Variants in HDAC9 observed in about 807,000 individuals in gnomAD.
HDAC9 encodes histone deacetylase 9, also known as MEF-2 interacting transcription repressor (MITR) protein.
A neutral mutation model predicts 139.4 loss-of-function variants in HDAC9; 41 were observed. That is an observed-to-expected ratio of 0.29 (90% CI 0.23 to 0.38). The LOEUF is 0.38. Ranked by LOEUF, HDAC9 falls within the 10% of genes least tolerant of loss-of-function variation. HDAC9 has a pLI of 1.00. For synonymous variants in HDAC9, 517 were observed against 476.2 expected (o/e 1.09, Z -1.12); for missense variants, 1,147 against 1,297.0 (o/e 0.88, Z 1.78).
intron 13 of HDAC9, among the ~76,000 whole-genome samples, chr7:18,743,819 C>T (rs537626454): frequency 2.0e-3 from 311 of 151,976 alleles, no homozygotes; most frequent in African/African-American, 7.2e-3. Context: ...TGAGATTTGA[C>T]GGTCATTAGA....
At chr7:18,937,030 ATTTTTTTTTTT>A (rs768350029) in intron 23 of HDAC9, among the ~76,000 whole-genome samples, 2 of 96,696 alleles carry the variant, frequency 2.1e-5, no homozygotes, top group African/African-American at 3.8e-5. Context: ...GCTCTTGTTA[ATTTTTTTTTTT>A]TTTTTTTTTT....
chr7:18,686,932 G>A (rs960701814), intron 12 of HDAC9, among the ~76,000 whole-genome samples: 1 of 151,652 alleles, frequency 6.6e-6, no homozygotes, highest in Non-Finnish European at 1.5e-5. Flanking sequence ...ACATGGTCCC[G>A]CCTGGCTCCA....
intron 1 of HDAC9, among the ~76,000 whole-genome samples, chr7:18,096,624 G>C (rs550145621): frequency 5.8e-4 from 89 of 152,288 alleles, no homozygotes; most frequent in African/African-American, 2.1e-3. Context: ...TAATGAAATT[G>C]TAAGCTCCTT....
intron 1 of HDAC9, chr7:18,429,169 G>C (rs1049105931): frequency 6.6e-6 from 1 of 152,122 alleles, no homozygotes; most frequent in African/African-American, 2.4e-5. Flanking sequence ...AGTTCACAGA[G>C]GCAGAGAATT....
At chr7:18,768,243 C>T (rs1406881161) in intron 16 of HDAC9, among the ~76,000 whole-genome samples, 4 of 152,140 alleles carry the variant, frequency 2.6e-5, no homozygotes, top group East Asian at 3.9e-4. Context: ...CCTGAAGTCA[C>T]ACAGTAAAGG....
chr7:18,325,408 C>A (rs1053519347), intron 1 of HDAC9: 1 of 152,104 alleles, frequency 6.6e-6, no homozygotes, highest in Non-Finnish European at 1.5e-5. Flanking sequence ...TTTACCATTA[C>A]AAGTTACTAG....
At position 18,748,995 on chromosome 7, in the gene HDAC9, T is replaced by A; in HGVS notation, c.1910-10T>A. 1 of 1,612,808 alleles carries A rather than the reference T, an allele frequency of 6.2e-7. No homozygotes were observed. The highest frequency in any genetic ancestry group is 8.5e-7 in the Non-Finnish European group (1 of 1,179,206). On this transcript the variant is annotated splice_polypyrimidine_tract_variant and intron_variant, in intron 13 of 25. Transcript: ENST00000686413. ...ACTCAATCTTGTCCTGTATTTCCCTTGTCTTAAAGGAATTGCCTATGACCC... is the reference window on the plus strand; with the variant it reads ...ACTCAATCTTGTCCTGTATTTCCCTAGTCTTAAAGGAATTGCCTATGACCC...
At chr7:18,399,384 C>T (rs10267506) in intron 1 of HDAC9, among the ~76,000 whole-genome samples, 5,194 of 152,092 alleles carry the variant, frequency 0.034, 301 homozygotes, top group African/African-American at 0.12. Flanking sequence ...GGTACAGTAA[C>T]GAAAAATTCT....
At chr7:18,443,182 TGAG>T (rs1370511370) in intron 1 of HDAC9, among the ~76,000 whole-genome samples, 1 of 152,200 alleles carries the variant, frequency 6.6e-6, no homozygotes, top group African/African-American at 2.4e-5. Context: ...CTTATTGACT[TGAG>T]TTTTTTTTTC....
intron 17 of HDAC9, among the ~76,000 whole-genome samples, chr7:18,820,496 G>A (rs1030725449): frequency 6.6e-6 from 1 of 152,160 alleles, no homozygotes; most frequent in Non-Finnish European, 1.5e-5. Flanking sequence ...AATATTTTAT[G>A]TGTTTTAAGA....
intron 2 of HDAC9, among the ~76,000 whole-genome samples, chr7:18,555,717 A>G (rs1006110360): frequency 6.6e-6 from 1 of 152,112 alleles, no homozygotes; most frequent in Non-Finnish European, 1.5e-5. Flanking sequence ...TACAATACCC[A>G]TTTACAGATG....
intron 1 of HDAC9, among the ~76,000 whole-genome samples, chr7:18,160,879 A>G (rs1042679350): frequency 2.0e-5 from 3 of 152,222 alleles, no homozygotes; most frequent in Admixed American, 6.5e-5. Context: ...TGGTCTCCCA[A>G]AGGGTGATAT....
At chr7:18,983,087 G>C (rs1477791204) in intron 25 of HDAC9, among the ~76,000 whole-genome samples, 1 of 152,108 alleles carries the variant, frequency 6.6e-6, no homozygotes, top group Non-Finnish European at 1.5e-5. Context: ...TGTAGCCATT[G>C]ACCAGCTCCT....
At chr7:18,807,003 AT>A (rs996507446) in intron 17 of HDAC9, among the ~76,000 whole-genome samples, 14 of 152,112 alleles carry the variant, frequency 9.2e-5, no homozygotes, top group African/African-American at 3.4e-4. Context: ...TTCTTTTTTA[AT>A]TTTTGAAAGG....
chr7:18,431,429 C>A (rs1055803339), intron 1 of HDAC9, among the ~76,000 whole-genome samples: 1 of 152,136 alleles, frequency 6.6e-6, no homozygotes, highest in East Asian at 1.9e-4. Context: ...GCCTGTGTAA[C>A]TTTTCCATTT....
At chr7:18,553,684 G>A (rs1382018115) in intron 2 of HDAC9, among the ~76,000 whole-genome samples, 1 of 152,132 alleles carries the variant, frequency 6.6e-6, no homozygotes, top group African/African-American at 2.4e-5. Context: ...TTTTCTCCCC[G>A]AGGCAAATAA....
chr7:18,157,399 G>A (rs1454812821), intron 1 of HDAC9, among the ~76,000 whole-genome samples: 1 of 152,102 alleles, frequency 6.6e-6, no homozygotes, highest in Admixed American at 6.5e-5. Context: ...CAGTTATGAA[G>A]GCACTTGAAT....
At chr7:18,533,133 G>A (rs1809601802) in intron 2 of HDAC9, among the ~76,000 whole-genome samples, 2 of 152,088 alleles carry the variant, frequency 1.3e-5, no homozygotes, top group Non-Finnish European at 2.9e-5. Context: ...GCTTTTTTCT[G>A]AAGTTCATTG....
chr7:18,285,564 A>G (rs1659572903), upstream of HDAC9, among the ~76,000 whole-genome samples: 1 of 152,048 alleles, frequency 6.6e-6, no homozygotes. Flanking sequence ...TCCCTGGGAA[A>G]GGTGTACCAA....
Sources: allele counts gnomAD v4.1 joint callset (sites outside exome capture counted in the v4.1 genomes callset), GRCh38; gene constraint gnomAD v4.1.1; transcripts MANE v1.5; gene names NCBI Gene and HGNC (gene_info 2026-07-23, HGNC 2026-07-21).